PRKCA: variants seen among roughly 807,000 people sequenced by gnomAD.
PRKCA encodes the protein protein kinase C alpha.
A neutral mutation model predicts 87.0 loss-of-function variants in PRKCA; 27 were observed. The observed-to-expected ratio is 0.31, with a 90% CI of 0.23 to 0.43. PRKCA has a LOEUF of 0.43. Ranked by LOEUF, PRKCA falls within the 20% of genes least tolerant of loss-of-function variation. The pLI, the probability that PRKCA is intolerant of heterozygous loss-of-function variation, is 1.00. For missense variants in PRKCA, 518 were observed against 852.3 expected (o/e 0.61, Z 4.88); for synonymous variants, 329 against 311.1 (o/e 1.06, Z -0.61).
chr17:66,364,237 C>A (rs1908566890), intron 2 of PRKCA: 1 of 152,152 alleles, frequency 6.6e-6, no homozygotes, highest in Non-Finnish European at 1.5e-5. Context: ...TGGAGCAGAT[C>A]AAGACTCCCA....
intron 2 of PRKCA, among the ~76,000 whole-genome samples, chr17:66,329,595 A>G (rs1429278205): frequency 6.6e-6 from 1 of 152,204 alleles, no homozygotes; most frequent in Non-Finnish European, 1.5e-5. Flanking sequence ...GTTTGCCCAG[A>G]GAGGCAGGAA....
At chr17:66,452,921 A>G (rs530057196) in intron 2 of PRKCA, among the ~76,000 whole-genome samples, 1 of 152,354 alleles carries the variant, frequency 6.6e-6, no homozygotes, top group South Asian at 2.1e-4. Flanking sequence ...TGAGGTTTAT[A>G]AGGGCTGGTG....
rs372141132 is a variant in PRKCA at position 66,322,176 on chromosome 17, T to C, written c.205+16049T>C. On this transcript the variant is annotated intron_variant, in intron 2 of 16. Transcript: ENST00000413366. ...GAAATGGAAGGCCAAAGATCTTATG[T>C]CATTGCCTGGTCTCTTAGGAGAGAT... is the stretch of plus-strand genomic sequence containing the variant. 1.4e-4 allele frequency among the ~76,000 whole-genome samples: 22 copies of C among 152,274 alleles called. No homozygotes were observed. The East Asian group carries it at 4.1e-3, about 28-fold the overall frequency.
At chr17:66,693,523 T>A (rs1972834735) in intron 8 of PRKCA, among the ~76,000 whole-genome samples, 1 of 152,178 alleles carries the variant, frequency 6.6e-6, no homozygotes, top group Admixed American at 6.5e-5. Flanking sequence ...ATATCCCCTG[T>A]GCTGGCCAGT....
chr17:66,481,134 A>C (rs552328093), intron 2 of PRKCA, among the ~76,000 whole-genome samples: 19 of 152,066 alleles, frequency 1.2e-4, no homozygotes, highest in Non-Finnish European at 1.2e-4. Context: ...GGCTGGGCTG[A>C]GGGCTATTCC....
chr17:66,604,193 G>A (rs144579940), intron 3 of PRKCA, among the ~76,000 whole-genome samples: 270 of 152,106 alleles, frequency 1.8e-3, no homozygotes, highest in African/African-American at 6.2e-3. Flanking sequence ...AAAGCAAATG[G>A]ATAATAGCTC....
chr17:66,559,834 GTC>G (rs1249088730), intron 3 of PRKCA, among the ~76,000 whole-genome samples: 1 of 152,180 alleles, frequency 6.6e-6, no homozygotes, highest in East Asian at 1.9e-4. Context: ...TTGGGCCCCA[GTC>G]TCTCATGTGA....
At chr17:66,768,699 G>C (rs898158070) in intron 13 of PRKCA, among the ~76,000 whole-genome samples, 4 of 152,308 alleles carry the variant, frequency 2.6e-5, no homozygotes, top group Non-Finnish European at 5.9e-5. Flanking sequence ...TAAACCATCA[G>C]ATCTTGTGAG....
intron 5 of PRKCA, among the ~76,000 whole-genome samples, chr17:66,664,361 G>T (rs1971986249): frequency 6.6e-6 from 1 of 152,156 alleles, no homozygotes; most frequent in South Asian, 2.1e-4. Flanking sequence ...GCGTCCCAAG[G>T]CCACCCCATC....
chr17:66,733,385 TG>T (rs1322092134), intron 9 of PRKCA, among the ~76,000 whole-genome samples: 1 of 152,098 alleles, frequency 6.6e-6, no homozygotes, highest in East Asian at 1.9e-4. Context: ...TCAACAGGTT[TG>T]GGGGGAAAGC....
intron 2 of PRKCA, among the ~76,000 whole-genome samples, chr17:66,349,239 T>C (rs1299412980): frequency 6.6e-6 from 1 of 152,230 alleles, no homozygotes; most frequent in East Asian, 1.9e-4. Flanking sequence ...TATTTTTGCT[T>C]TCCATGTAAA....
intron 2 of PRKCA, among the ~76,000 whole-genome samples, chr17:66,353,360 A>G (rs1208117673): frequency 6.6e-6 from 1 of 152,194 alleles, no homozygotes; most frequent in Non-Finnish European, 1.5e-5. Context: ...TTTAGACGGC[A>G]GATATAATCA....
At chr17:66,608,114 C>T (rs1157390456) in intron 3 of PRKCA, among the ~76,000 whole-genome samples, 1 of 152,122 alleles carries the variant, frequency 6.6e-6, no homozygotes, top group South Asian at 2.1e-4. Context: ...TTGGAGCACA[C>T]CGACTGAAGC....
At chr17:66,636,853 C>T (rs903490309) in intron 3 of PRKCA, among the ~76,000 whole-genome samples, 1 of 152,216 alleles carries the variant, frequency 6.6e-6, no homozygotes, top group African/African-American at 2.4e-5. Flanking sequence ...CAGGTCTCCA[C>T]AGTCCTGCTA....
intron 5 of PRKCA, among the ~76,000 whole-genome samples, chr17:66,646,317 G>A (rs946948226): frequency 7.2e-5 from 11 of 152,016 alleles, no homozygotes; most frequent in African/African-American, 1.9e-4. Context: ...TCGGTTCATC[G>A]GCACACTCAG....
chr17:66,785,995 A>AT (rs1292138685), intron 14 of PRKCA, among the ~76,000 whole-genome samples: 1 of 152,004 alleles, frequency 6.6e-6, no homozygotes, highest in Non-Finnish European at 1.5e-5. Context: ...TGCCCGGCTA[A>AT]TTTTTTGTAT....
At chr17:66,690,399 C>T (rs995876274) in intron 8 of PRKCA, among the ~76,000 whole-genome samples, 1 of 152,172 alleles carries the variant, frequency 6.6e-6, no homozygotes, top group African/African-American at 2.4e-5. Flanking sequence ...GCTACGGCTA[C>T]CCTGCCCCAC....
chr17:66,648,751 G>A (rs1205445850), intron 5 of PRKCA, among the ~76,000 whole-genome samples: 1 of 152,068 alleles, frequency 6.6e-6, no homozygotes, highest in Non-Finnish European at 1.5e-5. Context: ...AGCAACCCCC[G>A]ATGTTAATGC....
chr17:66,327,725 A>G (rs1253544614), intron 2 of PRKCA, among the ~76,000 whole-genome samples: 1 of 152,116 alleles, frequency 6.6e-6, no homozygotes, highest in Non-Finnish European at 1.5e-5. Context: ...GTCATCAGAT[A>G]GCTTTTATTT....
Sources: gnomAD v4.1 joint callset for allele counts (sites outside exome capture counted in the v4.1 genomes callset) on GRCh38, gnomAD v4.1.1 for gene constraint, MANE v1.5 for transcripts, NCBI Gene and HGNC (gene_info 2026-07-23, HGNC 2026-07-21) for gene names.